Variants in OR6N1 observed in about 807,000 individuals in gnomAD.
The protein encoded by OR6N1 is olfactory receptor family 6 subfamily N member 1, also known as olfactory receptor 6N1.
For missense variants in OR6N1, 394 were observed against 371.7 expected (o/e 1.06, Z -0.49); for synonymous variants, 170 against 150.7 (o/e 1.13, Z -0.94).
chr1:158,791,204 C>A, the OR6N1 span, among the ~76,000 whole-genome samples: 1 of 152,098 alleles, frequency 6.6e-6, no homozygotes, highest in Non-Finnish European at 1.5e-5. Context: ...AATTGCCCAA[C>A]GCAATCTACA....
chr1:158,805,765 G>T, the OR6N1 span, among the ~76,000 whole-genome samples: 1 of 152,104 alleles, frequency 6.6e-6, no homozygotes, highest in Non-Finnish European at 1.5e-5. Flanking sequence ...TTCAAGAGGG[G>T]AACTCAATCT....
At chr1:158,808,121 CTTTTTTTTTTTTT>C in the OR6N1 span, among the ~76,000 whole-genome samples, 2 of 39,572 alleles carry the variant, frequency 5.1e-5, no homozygotes, top group African/African-American at 8.4e-5. Flanking sequence ...CAATGACTGC[CTTTTTTTTTTTTT>C]TTTTTTTTTT....
the OR6N1 span, among the ~76,000 whole-genome samples, chr1:158,835,141 G>A: frequency 3.3e-5 from 5 of 152,200 alleles, no homozygotes; most frequent in Admixed American, 6.5e-5. Context: ...TTTTGTGTTC[G>A]TGTAAAAAAC....
At chr1:158,794,606 G>C in the OR6N1 span, among the ~76,000 whole-genome samples, 1 of 152,192 alleles carries the variant, frequency 6.6e-6, no homozygotes, top group Non-Finnish European at 1.5e-5. Context: ...TAAGAAGTTA[G>C]TAGACTCTAA....
chr1:158,798,276 C>G, the OR6N1 span, among the ~76,000 whole-genome samples: 1 of 151,044 alleles, frequency 6.6e-6, no homozygotes, highest in African/African-American at 2.4e-5. Flanking sequence ...TTTTCTTACA[C>G]TTTCTTTTTT....
chr1:158,781,877 C>T, the OR6N1 span, among the ~76,000 whole-genome samples: 1 of 152,250 alleles, frequency 6.6e-6, no homozygotes, highest in Non-Finnish European at 1.5e-5. Context: ...TTCACAATTA[C>T]TCTGTGAAGT....
At chr1:158,782,981 C>T in the OR6N1 span, among the ~76,000 whole-genome samples, 1 of 152,138 alleles carries the variant, frequency 6.6e-6, no homozygotes, top group African/African-American at 2.4e-5. Flanking sequence ...TGTCTCCCTC[C>T]TACCCATCAT....
At chr1:158,771,379 T>G (rs971581600) in intron 1 of OR6N1, among the ~76,000 whole-genome samples, 4 of 152,150 alleles carry the variant, frequency 2.6e-5, no homozygotes, top group African/African-American at 9.7e-5. Context: ...GCCTGATATA[T>G]CCGAGTTATG....
chr1:158,798,667 A>G, the OR6N1 span, among the ~76,000 whole-genome samples: 2 of 152,122 alleles, frequency 1.3e-5, no homozygotes, highest in Non-Finnish European at 2.9e-5. Flanking sequence ...TGTGCTTGAA[A>G]TCAATCTTTA....
the OR6N1 span, among the ~76,000 whole-genome samples, chr1:158,783,384 A>T: frequency 6.6e-6 from 1 of 152,238 alleles, no homozygotes; most frequent in East Asian, 1.9e-4. Context: ...CAACAAAGCT[A>T]AAGATATTTC....
chr1:158,777,552 A>G, the OR6N1 span: 1 of 1,614,108 alleles, frequency 6.2e-7, no homozygotes, highest in Non-Finnish European at 8.5e-7. Context: ...GCAGCAGGAC[A>G]AAAAGCCAGC....
the OR6N1 span, among the ~76,000 whole-genome samples, chr1:158,781,735 C>T: frequency 1.3e-5 from 2 of 152,298 alleles, no homozygotes; most frequent in East Asian, 3.9e-4. Flanking sequence ...TTAAAACAAA[C>T]AAATAAGCAA....
upstream of OR6N1, chr1:158,777,123 G>A: frequency 6.2e-7 from 1 of 1,614,170 alleles, no homozygotes; most frequent in East Asian, 2.2e-5. Context: ...GGATTTCATT[G>A]TAAGCACAAA....
chr1:158,766,827 T>C (rs1657287846), intron 1 of OR6N1, 127 bp from the exon 2 acceptor site: 3 of 622,162 alleles, frequency 4.8e-6, no homozygotes, highest in Non-Finnish European at 8.3e-6. Flanking sequence ...AAGTAAATGC[T>C]TTGAGAGGTC....
At chr1:158,791,484 T>G in the OR6N1 span, among the ~76,000 whole-genome samples, 4 of 150,890 alleles carry the variant, frequency 2.7e-5, no homozygotes, top group Admixed American at 6.6e-5. Context: ...TTTTTTTTTT[T>G]TTTTGAGACA....
In OR6N1 at chr1:158,769,157, T is replaced by G. The variant is rs111729446; in HGVS notation, c.-18-2457A>C. On this transcript the variant is annotated intron_variant, in intron 1 of 1. Transcript: ENST00000641846. ...AATCAGGAAAATTTCATAGAACACA[T>G]AATTTATTATTATTATTATTATTGG... is the stretch of plus-strand genomic sequence containing the variant. Among the ~76,000 whole-genome samples the G allele has an allele frequency of 8.2e-3, 1,250 of 151,582 alleles. 13 individuals carry two copies. Among genetic ancestry groups the G allele is most frequent in the African/African-American group, 0.029 (1,202 of 40,898 alleles).
chr1:158,782,549 A>G, the OR6N1 span, among the ~76,000 whole-genome samples: 1 of 152,200 alleles, frequency 6.6e-6, no homozygotes, highest in African/African-American at 2.4e-5. Context: ...AGAGTGTTAG[A>G]TAGAAATTAT....
chr1:158,809,381 G>C, the OR6N1 span: 5 of 152,256 alleles, frequency 3.3e-5, no homozygotes, highest in Non-Finnish European at 7.4e-5. Context: ...ATTACTTCAA[G>C]CTTCTTCCTC....
chr1:158,779,394 C>T, the OR6N1 span, among the ~76,000 whole-genome samples: 1 of 152,166 alleles, frequency 6.6e-6, no homozygotes, highest in African/African-American at 2.4e-5. Context: ...ATGGCTGTCA[C>T]ATTAAAAGTA....
Sources: gnomAD v4.1 joint callset for allele counts (sites outside exome capture counted in the v4.1 genomes callset) on GRCh38, gnomAD v4.1.1 for gene constraint, MANE v1.5 for transcripts, NCBI Gene and HGNC (gene_info 2026-07-23, HGNC 2026-07-21) for gene names.